Variants in ASB18 observed in about 807,000 individuals in gnomAD.
ASB18 encodes ankyrin repeat and SOCS box protein 18.
Under a neutral mutation model 33.4 loss-of-function variants are expected in ASB18, and 33 were observed. That is an observed-to-expected ratio of 0.99 (90% CI 0.75 to 1.32). ASB18 has a LOEUF of 1.32. ASB18 is among the 40% of genes most tolerant of loss of function. The pLI is 0.00. For synonymous variants in ASB18, 295 were observed against 307.6 expected, an observed-to-expected ratio of 0.96 and a Z score of 0.43; for missense variants, 694 against 655.5, an observed-to-expected ratio of 1.06 and a Z score of -0.64.
chr2:236,215,988 C>A lies in ASB18; in HGVS notation c.597-1122G>T, dbSNP rs2106269599. Among the ~76,000 whole-genome samples, 1 of 152,312 alleles carries A rather than the reference C, an allele frequency of 6.6e-6. No individual in the cohort carries two copies. The highest frequency in any genetic ancestry group is 2.1e-4 in the South Asian group (1 of 4,820). The stretch of plus-strand genomic sequence containing the variant: ...TCTCGTTTCTCTCTACCCTTCCTGG[C>A]TTCAGTTCCTTTCCTGGGCAGCACT... On this transcript the variant is annotated intron_variant, in intron 3 of 5. Coordinates refer to ENST00000409749, the MANE Select transcript of ASB18 (RefSeq NM_212556.4). This position sits in a 1 kb window ranked among gnomAD's most constrained non-coding sequence, Gnocchi z 7.2.
intron 1 of ASB18, among the ~76,000 whole-genome samples, chr2:236,258,023 C>T (rs915694159): frequency 6.6e-6 from 1 of 152,196 alleles, no homozygotes; most frequent in African/African-American, 2.4e-5. Context: ...TTTGAACATA[C>T]CCTGATTTGG....
rs772123057 is a variant in ASB18 at position 236,221,598 on chromosome 2, A to G, written c.597-6732T>C. On this transcript the variant is annotated intron_variant, in intron 3 of 5. Coordinates refer to ENST00000409749, the MANE Select transcript of ASB18 (RefSeq NM_212556.4). This position sits in a 1 kb window ranked among gnomAD's most constrained non-coding sequence, Gnocchi z 5.6. ...TTTCACCTTCCACCTCCCCAGCCACATGGAACAGTAAGTCCAATAAACCTC... is the reference window on the plus strand; with the variant it reads ...TTTCACCTTCCACCTCCCCAGCCACGTGGAACAGTAAGTCCAATAAACCTC... 2.0e-5 allele frequency among the ~76,000 whole-genome samples: 3 copies of G among 152,150 alleles called. No homozygotes were observed. The highest frequency in any genetic ancestry group is 2.9e-5 in the Non-Finnish European group (2 of 68,012).
At position 236,228,366 on chromosome 2, in the gene ASB18, G is replaced by T. The variant is rs1402338428; in HGVS notation, c.596+9323C>A. On this transcript the variant is annotated intron_variant, in intron 3 of 5. Coordinates refer to ENST00000409749, the MANE Select transcript of ASB18 (RefSeq NM_212556.4). The surrounding 1 kb of genome is among the most constrained non-coding windows in gnomAD (Gnocchi z 5.1). ...CCTGGTGAGCTGAGTGGAGGAGACG[G>T]CACTGGAAGTCTAGGGATGCCAGGA... is the stretch of plus-strand genomic sequence containing the variant. Among the ~76,000 whole-genome samples the T allele has an allele frequency of 6.6e-6, 1 of 152,198 alleles. No individual in the cohort carries two copies. The highest frequency in any genetic ancestry group is 1.5e-5 in the Non-Finnish European group (1 of 68,034).
Position 236,237,742 on chromosome 2 carries a change from GAGC to G in ASB18, c.540_542del (p.Leu181del), listed in dbSNP as rs2060601674. On this transcript the variant is annotated inframe_deletion, in exon 3 of 6. Coordinates refer to ENST00000409749, the MANE Select transcript of ASB18 (RefSeq NM_212556.4). The surrounding 1 kb of genome is among the most constrained non-coding windows in gnomAD (Gnocchi z 6.2). ...GCAGAGGCGCCAGGCCCTCGGCGCT[GAGC>G]AGGTCGGGGTCGGCGCGGTGCTGCA... 1 of 1,460,096 alleles carries G rather than the reference GAGC, an allele frequency of 6.8e-7. No homozygotes were observed. The highest frequency in any genetic ancestry group is 9.0e-7 in the Non-Finnish European group (1 of 1,111,852). The allele number at this position is 1,460,096 out of a possible 1,614,324, so 90.4% of individuals were successfully genotyped here. A position where few individuals can be genotyped will look rare whatever the true frequency, so the allele number is the denominator to read the frequency against.
Position 236,234,414 on chromosome 2 carries a change from T to G in ASB18, c.596+3275A>C, listed in dbSNP as rs1395584876. ...AAATGGGGTATTCTTCAATTTGTGT[T>G]GACATCATCCAGCCCCTTTTGTCTA... On this transcript the variant is annotated intron_variant, in intron 3 of 5. Transcript: ENST00000409749. The surrounding 1 kb of genome is among the most constrained non-coding windows in gnomAD (Gnocchi z 4.1). Among the ~76,000 whole-genome samples the G allele has an allele frequency of 6.6e-6, 1 of 152,222 alleles. No individual in the cohort carries two copies. Among genetic ancestry groups the G allele is most frequent in the Non-Finnish European group, 1.5e-5 (1 of 68,042 alleles).
rs1282376187 is a variant in ASB18, at chr2:236,214,449, G to C, written c.1014C>G (p.Ser338=). 5 of 1,539,544 alleles carry C rather than the reference G, an allele frequency of 3.2e-6. No individual in the cohort carries two copies. Among genetic ancestry groups the C allele is most frequent in the Admixed American group, 3.9e-5 (2 of 51,716 alleles). ...GCTGCGGTGAGGCCTGGAGAGCGCA[G>C]GATGCGGTCTGGAGCACGCGGCCCA... is the stretch of plus-strand genomic sequence containing the variant. ...SPLGRVLQTA[S]CALQASPQRT... is the part of the protein sequence containing the mutation. The change falls in exon 4 of 6, where the codon TCC becomes TCG. Residue 338 remains serine (S), a synonymous_variant. Transcript: ENST00000409749. The surrounding 1 kb of genome is among the most constrained non-coding windows in gnomAD (Gnocchi z 6.5).
In ASB18 at chr2:236,251,263, A is replaced by G. The variant is rs946190441; in HGVS notation, c.206-9861T>C. On this transcript the variant is annotated intron_variant, in intron 1 of 5. Coordinates refer to ENST00000409749, the MANE Select transcript of ASB18 (RefSeq NM_212556.4). This position sits in a 1 kb window ranked among gnomAD's most constrained non-coding sequence, Gnocchi z 5.3. Reference sequence around the variant, plus strand: ...GATGAGTGCAAAACACAGCGGCCCAATCCTCAGCGTGCACAACCACGAGTA... The same window carrying G: ...GATGAGTGCAAAACACAGCGGCCCAGTCCTCAGCGTGCACAACCACGAGTA... Among the ~76,000 whole-genome samples the G allele has an allele frequency of 3.9e-5, 6 of 152,208 alleles. No individual in the cohort carries two copies. The highest frequency in any genetic ancestry group is 1.2e-4 in the African/African-American group (5 of 41,456).
At chr2:236,243,043 A>T (rs2060628725) in intron 1 of ASB18, among the ~76,000 whole-genome samples, 1 of 149,232 alleles carries the variant, frequency 6.7e-6, no homozygotes, top group Non-Finnish European at 1.5e-5. Flanking sequence ...AAAAAAAAAA[A>T]AAAAGGGCTG....
At position 236,237,639 on chromosome 2, in the gene ASB18, T is replaced by A. The variant is rs2060600745; in HGVS notation, c.596+50A>T. ...GCGGTCTCGTGGGGGGAGGCGGGCG[T>A]CTGGTCTCGGGGCGGGGCGGACGCC... On this transcript the variant is annotated intron_variant, in intron 3 of 5. Transcript: ENST00000409749. This position sits in a 1 kb window ranked among gnomAD's most constrained non-coding sequence, Gnocchi z 6.2. 1 of 1,298,390 alleles carries A rather than the reference T, an allele frequency of 7.7e-7. No individual in the cohort carries two copies. The allele number at this position is 1,298,390 out of a possible 1,614,324, so 80.4% of individuals were successfully genotyped here.
Position 236,235,967 on chromosome 2 carries a change from T to A in ASB18, c.596+1722A>T, listed in dbSNP as rs2060587110. ...TCTCAGCCTCCCAAAGTGTTGGGAT[T>A]ACCGGCATGAGCCACCGCACCTAGC... On this transcript the variant is annotated intron_variant, in intron 3 of 5. Coordinates refer to ENST00000409749, the MANE Select transcript of ASB18 (RefSeq NM_212556.4). This position sits in a 1 kb window ranked among gnomAD's most constrained non-coding sequence, Gnocchi z 6.2. Among the ~76,000 whole-genome samples, 1 of 152,218 alleles carries A rather than the reference T, an allele frequency of 6.6e-6. No homozygotes were observed. Among genetic ancestry groups the A allele is most frequent in the Admixed American group, 6.5e-5 (1 of 15,276 alleles).
rs992698702 is a variant in ASB18 at position 236,235,576 on chromosome 2, T to C, written c.596+2113A>G. 6.6e-6 allele frequency among the ~76,000 whole-genome samples: 1 copy of C among 152,254 alleles called. No individual in the cohort carries two copies. Among genetic ancestry groups the C allele is most frequent in the African/African-American group, 2.4e-5 (1 of 41,476 alleles). ...TAACAAGACATGTGTACACACCTAT[T>C]AGAATGTATACAATTAAGCCCTGAC... On this transcript the variant is annotated intron_variant, in intron 3 of 5. Coordinates refer to ENST00000409749, the MANE Select transcript of ASB18 (RefSeq NM_212556.4). The surrounding 1 kb of genome is among the most constrained non-coding windows in gnomAD (Gnocchi z 6.2).
Position 236,209,032 on chromosome 2 carries a change from C to T in ASB18, c.1101+5330G>A, listed in dbSNP as rs1284029144. Among the ~76,000 whole-genome samples the T allele has an allele frequency of 6.6e-6, 1 of 152,146 alleles. No individual in the cohort carries two copies. Among genetic ancestry groups the T allele is most frequent in the Non-Finnish European group, 1.5e-5 (1 of 68,036 alleles). On this transcript the variant is annotated intron_variant, in intron 4 of 5. Coordinates refer to ENST00000409749, the MANE Select transcript of ASB18 (RefSeq NM_212556.4). The surrounding 1 kb of genome is among the most constrained non-coding windows in gnomAD (Gnocchi z 4.4). ...ACTTATGATCTCCCCTCTCTCCTCC[C>T]ACTGGGGACTGGGTGCACGCAACTC... is the stretch of plus-strand genomic sequence containing the variant.
Position 236,257,809 on chromosome 2 carries a change from G to A in ASB18, c.205+6332C>T, listed in dbSNP as rs1306806411. On this transcript the variant is annotated intron_variant, in intron 1 of 5. Coordinates refer to ENST00000409749, the MANE Select transcript of ASB18 (RefSeq NM_212556.4). The surrounding 1 kb of genome is among the most constrained non-coding windows in gnomAD (Gnocchi z 5.5). ...ATGAACTACAGGTGCCGTGGAGCAC[G>A]GGAAAGGGCACTGGGTTTACAGTGC... Among the ~76,000 whole-genome samples the A allele has an allele frequency of 6.6e-6, 1 of 152,186 alleles. No individual in the cohort carries two copies. Among genetic ancestry groups the A allele is most frequent in the Non-Finnish European group, 1.5e-5 (1 of 68,026 alleles).
chr2:236,253,488 C>T lies in ASB18; in HGVS notation c.205+10653G>A, dbSNP rs989989334. ...AACTCCTGGGCGCAAGCGATCCTTC[C>T]ACCTCAGTCTCCTGAGTCGCTGGGA... is the stretch of plus-strand genomic sequence containing the variant. On this transcript the variant is annotated intron_variant, in intron 1 of 5. Transcript: ENST00000409749. This position sits in a 1 kb window ranked among gnomAD's most constrained non-coding sequence, Gnocchi z 5.4. Among the ~76,000 whole-genome samples the T allele has an allele frequency of 7.9e-5, 12 of 152,114 alleles. No homozygotes were observed. Among genetic ancestry groups the T allele is most frequent in the South Asian group, 2.1e-4 (1 of 4,822 alleles).
At position 236,253,468 on chromosome 2, in the gene ASB18, C is replaced by A. The variant is rs756468347; in HGVS notation, c.205+10673G>T. Among the ~76,000 whole-genome samples the A allele has an allele frequency of 1.3e-5, 2 of 152,120 alleles. No homozygotes were observed. Among genetic ancestry groups the A allele is most frequent in the Non-Finnish European group, 2.9e-5 (2 of 68,028 alleles). ...TCATAGCTCACTGTAACCTGAACTC[C>A]TGGGCGCAAGCGATCCTTCCACCTC... On this transcript the variant is annotated intron_variant, in intron 1 of 5. Transcript: ENST00000409749. This position sits in a 1 kb window ranked among gnomAD's most constrained non-coding sequence, Gnocchi z 5.4.
intron 2 of ASB18, among the ~76,000 whole-genome samples, chr2:236,240,984 C>T (rs1481731785): frequency 1.3e-5 from 2 of 152,204 alleles, no homozygotes; most frequent in African/African-American, 4.8e-5. Context: ...CTGCCAGATG[C>T]AGGCACGGGC....
chr2:236,204,373 G>T lies in ASB18; in HGVS notation c.1102-7988C>A, dbSNP rs1326729485. Among the ~76,000 whole-genome samples the T allele has an allele frequency of 3.3e-5, 5 of 152,100 alleles. No individual in the cohort carries two copies. The highest frequency in any genetic ancestry group is 7.4e-5 in the Non-Finnish European group (5 of 68,020). On this transcript the variant is annotated intron_variant, in intron 4 of 5. Transcript: ENST00000409749. This position sits in a 1 kb window ranked among gnomAD's most constrained non-coding sequence, Gnocchi z 5.1. The stretch of plus-strand genomic sequence containing the variant: ...GTGCTCTCATTCCTTCCACCTCACT[G>T]GTTGCCCCTCCTCGGTTTCCTTAGC...
At position 236,205,672 on chromosome 2, in the gene ASB18, T is replaced by C. The variant is rs59489263; in HGVS notation, c.1101+8690A>G. ...CTGGTGCTCAGCAAATACTTTTTGA[T>C]AAATAATTGAAGTATTTTTTCTTTT... On this transcript the variant is annotated intron_variant, in intron 4 of 5. Transcript: ENST00000409749. The surrounding 1 kb of genome is among the most constrained non-coding windows in gnomAD (Gnocchi z 5.4). Among the ~76,000 whole-genome samples, 39,782 of 152,128 alleles carry C rather than the reference T, an allele frequency of 0.26. 8,021 individuals carry two copies. Among genetic ancestry groups the C allele is most frequent in the African/African-American group, 0.56 (23,317 of 41,456 alleles).
rs1324978782 is a variant in ASB18, at chr2:236,222,689, C to T, written c.597-7823G>A. On this transcript the variant is annotated intron_variant, in intron 3 of 5. Transcript: ENST00000409749. This position sits in a 1 kb window ranked among gnomAD's most constrained non-coding sequence, Gnocchi z 5.5. ...TTAGTACCATCCCCTTGGTGCTTTC[C>T]TCACGATAGCGAGTTCATGGGTGAT... Among the ~76,000 whole-genome samples, 1 of 152,160 alleles carries T rather than the reference C, an allele frequency of 6.6e-6. No individual in the cohort carries two copies. Among genetic ancestry groups the T allele is most frequent in the Non-Finnish European group, 1.5e-5 (1 of 68,042 alleles).
Sources: allele counts gnomAD v4.1 joint callset (sites outside exome capture counted in the v4.1 genomes callset), GRCh38; gene constraint gnomAD v4.1.1; non-coding constraint Gnocchi (gnomAD v3.1); transcripts MANE v1.5; gene names NCBI Gene and HGNC (gene_info 2026-07-23, HGNC 2026-07-21).